The following CEP290 variants were observed in gnomAD, a reference collection of about 807,000 sequenced individuals.
The protein encoded by CEP290 is centrosomal protein 290, also known as centrosomal protein of 290 kDa.
CEP290 carries 317 observed loss-of-function variants against 344.9 expected under a neutral mutation model. The observed-to-expected ratio is 0.92, with a 90% CI of 0.84 to 1.01. The LOEUF is 1.01. CEP290 is among the 50% of genes least tolerant of loss of function. The probability of loss-of-function intolerance (pLI) is 0.00; values close to 1 mark genes in which losing one functional copy is unlikely to be tolerated. For missense variants in CEP290, 2,754 were observed against 2,761.4 expected, an observed-to-expected ratio of 1.00 and a Z score of 0.06; for synonymous variants, 932 against 895.8, an observed-to-expected ratio of 1.04 and a Z score of -0.72.
intron 19 of CEP290, 129 bp downstream of exon 19, chr12:88,114,969 T>C (rs556241051): frequency 4.9e-5 from 27 of 550,700 alleles, no homozygotes; most frequent in South Asian, 4.1e-4. Flanking sequence ...GACTGAAGTA[T>C]ATACAGTACA....
chr12:88,115,719 C>T lies in CEP290; in HGVS notation c.1825-537G>A, dbSNP rs918496752. On this transcript the variant is annotated intron_variant, in intron 18 of 53. Coordinates refer to ENST00000552810, the MANE Select transcript of CEP290 (RefSeq NM_025114.4). ...AATTGTTACAGAACTTTGTTAGAGACGTCATAAAAGAACAACCACAGAAAT... is the reference window on the plus strand; with the variant it reads ...AATTGTTACAGAACTTTGTTAGAGATGTCATAAAAGAACAACCACAGAAAT... 37 of 1,039,514 alleles carry T rather than the reference C, an allele frequency of 3.6e-5. No homozygotes were observed. The Admixed American group carries it at 4.5e-4, about 13-fold the overall frequency. The allele number at this position is 1,039,514 out of a possible 1,614,324, so 64.4% of individuals were successfully genotyped here.
At chr12:88,111,621 A>T (rs968291010) in intron 21 of CEP290, 73 bp downstream of exon 21, 8 of 1,303,876 alleles carry the variant, frequency 6.1e-6, no homozygotes, top group Non-Finnish European at 8.3e-6. Flanking sequence ...CATTCTTTTT[A>T]AAAAATTAAA....
intron 28 of CEP290, 34 bp downstream of exon 28, chr12:88,093,736 C>T (rs889760669): frequency 1.4e-6 from 2 of 1,467,686 alleles, no homozygotes. Context: ...ATTCTTTATT[C>T]TATAATTGTA....
chr12:88,139,626 A>C, intron 3 of CEP290, 62 bp from the exon 4 acceptor site: 3 of 1,248,746 alleles, frequency 2.4e-6, no homozygotes, highest in Non-Finnish European at 3.2e-6. Flanking sequence ...CACTGAAAAT[A>C]AAAATTCTGT....
At chr12:88,109,233 T>C (rs2137667193) in intron 22 of CEP290, 52 bp from the exon 23 acceptor site, 1 of 634,214 alleles carries the variant, frequency 1.6e-6, no homozygotes, top group Non-Finnish European at 2.7e-6. Flanking sequence ...ATAGAATAAA[T>C]GCTGAATTTG....
chr12:88,075,812 C>G (rs2035727568), intron 41 of CEP290, among the ~76,000 whole-genome samples: 1 of 152,084 alleles, frequency 6.6e-6, no homozygotes, highest in Admixed American at 6.6e-5. Context: ...GGCATAGACC[C>G]CTGTTTTCTC....
Position 88,111,235 on chromosome 12 carries a change from A to T in CEP290, c.2334T>A (p.Asn778Lys). Residue 778 changes from asparagine (N) to lysine (K), a missense_variant, in exon 22 of 54, where the codon AAT (asparagine) becomes AAA (lysine). By Grantham distance (94) the Asn-to-Lys change is moderately conservative. Coordinates refer to ENST00000552810, the MANE Select transcript of CEP290 (RefSeq NM_025114.4). ...GIAPSSASII[N>K]SQNEYLIHLL... ...AATGTATTAAATATTCATTCTGAGA[A>T]TTAATGATACTGGCACTAGATGGTG... 6.9e-7 allele frequency: 1 copy of T among 1,442,934 alleles called. No homozygotes were observed. Among genetic ancestry groups the T allele is most frequent in the Non-Finnish European group, 9.1e-7 (1 of 1,096,068 alleles). The allele number at this position is 1,442,934 out of a possible 1,614,324, so 89.4% of individuals were successfully genotyped here.
intron 18 of CEP290, among the ~76,000 whole-genome samples, chr12:88,116,456 T>C (rs990353326): frequency 6.6e-6 from 1 of 152,208 alleles, no homozygotes; most frequent in South Asian, 2.1e-4. Flanking sequence ...TATTCTCTTC[T>C]GTCTCATTCT....
rs1303983701 is a variant in CEP290 at position 88,131,170 on chromosome 12, T to C, written c.490A>G (p.Arg164Gly). Residue 164 changes from arginine (R) to glycine (G), a missense_variant, in exon 7 of 54, where the codon AGA becomes GGA. Arg to Gly is a moderately radical substitution (Grantham distance 125, BLOSUM62 -2). Coordinates refer to ENST00000552810, the MANE Select transcript of CEP290 (RefSeq NM_025114.4). ...CAACTACTAAAATTTTTTACCTCTC[T>C]TCTTAATTTGCTGTTTTCATTTTCT... ...EAENENSKLR[R>G]ENKRLKKKNE... 6.6e-7 allele frequency: 1 copy of C among 1,520,106 alleles called. No individual in the cohort carries two copies. Among genetic ancestry groups the C allele is most frequent in the Non-Finnish European group, 8.8e-7 (1 of 1,139,402 alleles). The allele number at this position is 1,520,106 out of a possible 1,614,324, so 94.2% of individuals were successfully genotyped here.
chr12:88,101,820 A>AG (rs1442712442), intron 26 of CEP290, among the ~76,000 whole-genome samples: 1 of 152,198 alleles, frequency 6.6e-6, no homozygotes, highest in African/African-American at 2.4e-5. Context: ...ATGGAAAAAA[A>AG]TAAATTATCA....
intron 27 of CEP290, among the ~76,000 whole-genome samples, chr12:88,094,919 C>T (rs1479230708): frequency 1.3e-5 from 2 of 151,636 alleles, no homozygotes; most frequent in African/African-American, 4.8e-5. Flanking sequence ...ATATACATTT[C>T]CTGAAAAAAA....
chr12:88,101,466 G>C (rs1001805371), intron 26 of CEP290, among the ~76,000 whole-genome samples: 4 of 137,340 alleles, frequency 2.9e-5, no homozygotes, highest in African/African-American at 8.3e-5. Flanking sequence ...GGGTGACAGA[G>C]CGAGACTCTG....
chr12:88,049,672 G>A (rs2033290859), intron 53 of CEP290: 1 of 284,600 alleles, frequency 3.5e-6, no homozygotes. Context: ...CTTATAATGG[G>A]ACTTAATCTT....
rs577309602 is a variant in CEP290 at position 88,117,247 on chromosome 12, T to C, written c.1712-102A>G. ...CTACAATCAAGTTTTAATGCAAAGG[T>C]AGAATAATTGTTTCCAAAATCCCTC... On this transcript the variant is annotated intron_variant, in intron 17 of 53. Transcript: ENST00000552810. 6.5e-5 allele frequency: 40 copies of C among 611,288 alleles called. No individual in the cohort carries two copies. The South Asian group carries it at 9.1e-4, about 14-fold the overall frequency. The allele number at this position is 611,288 out of a possible 1,614,324, so 37.9% of individuals were successfully genotyped here.
At chr12:88,050,193 T>TTA in intron 53 of CEP290, 161 bp downstream of exon 53, 1 of 511,448 alleles carries the variant, frequency 2.0e-6, no homozygotes, top group East Asian at 3.4e-5. Context: ...AACTCTAATA[T>TTA]GTTAGGAATA....
In CEP290 at chr12:88,104,035, A is replaced by G. The variant is rs532906016; in HGVS notation, c.2818-1024T>C. 1.2e-4 allele frequency: 19 copies of G among 152,116 alleles called. No homozygotes were observed. In the South Asian group the frequency reaches 3.9e-3, roughly 31 times the overall value. The allele number at this position is 152,116 out of a possible 1,614,324, so 9.4% of individuals were successfully genotyped here. A position where few individuals can be genotyped will look rare whatever the true frequency, so the allele number is the denominator to read the frequency against. ...AGAAAACTAATTCTTTTCTCTTTCT[A>G]TCTCAAACACTAACTGTATTTATAA... On this transcript the variant is annotated intron_variant, in intron 25 of 53. Coordinates refer to ENST00000552810, the MANE Select transcript of CEP290 (RefSeq NM_025114.4).
intron 25 of CEP290, among the ~76,000 whole-genome samples, chr12:88,105,365 AG>A (rs2038200985): frequency 6.6e-6 from 1 of 152,124 alleles, no homozygotes; most frequent in African/African-American, 2.4e-5. Flanking sequence ...GAGAAAGCGG[AG>A]GGGACAAAAA....
At chr12:88,057,926 G>A (rs2034144403) in intron 49 of CEP290, 1 of 152,260 alleles carries the variant, frequency 6.6e-6, no homozygotes, top group African/African-American at 2.4e-5. Context: ...GGGGACATTG[G>A]AGGTGCATGG....
rs564484948 is a variant in CEP290 at position 88,115,464 on chromosome 12, T to C, written c.1825-282A>G. ...ACCACAATCATCTCTTTTAATGTTC[T>C]GCCTTTACACTACCTGTTCTGCCTG... On this transcript the variant is annotated intron_variant, in intron 18 of 53. Coordinates refer to ENST00000552810, the MANE Select transcript of CEP290 (RefSeq NM_025114.4). 70 of 1,299,832 alleles carry C rather than the reference T, an allele frequency of 5.4e-5. 1 individual carries two copies. In the African/African-American group the frequency reaches 9.7e-4, roughly 18 times the overall value. 80.5% of individuals were successfully genotyped at this position (1,299,832 alleles called of 1,614,324 possible). A position where few individuals can be genotyped will look rare whatever the true frequency, so the allele number is the denominator to read the frequency against.
Sources: allele counts gnomAD v4.1 joint callset (sites outside exome capture counted in the v4.1 genomes callset), GRCh38; gene constraint gnomAD v4.1.1; transcripts MANE v1.5; gene names NCBI Gene and HGNC (gene_info 2026-07-23, HGNC 2026-07-21).